C9orf57: variants seen among roughly 807,000 people sequenced by gnomAD.
C9orf57 encodes the protein chromosome 9 open reading frame 57, also known as uncharacterized protein C9orf57.
A neutral mutation model predicts 12.9 loss-of-function variants in C9orf57; 12 were observed. That is an observed-to-expected ratio of 0.93 (90% CI 0.60 to 1.51). The LOEUF (loss-of-function observed/expected upper bound fraction) is 1.51, where lower values mean the gene tolerates loss of function less well. C9orf57 is among the 40% of genes most tolerant of loss of function. The probability of loss-of-function intolerance (pLI) is 0.00; values close to 1 mark genes in which losing one functional copy is unlikely to be tolerated. For synonymous variants in C9orf57, 49 were observed against 57.1 expected, an observed-to-expected ratio of 0.86 and a Z score of 0.64; for missense variants, 141 against 162.8, an observed-to-expected ratio of 0.87 and a Z score of 0.73.
chr9:72,055,960 G>T (rs1287541803), intron 4 of C9orf57, 114 bp downstream of exon 4: 65 of 1,091,240 alleles, frequency 6.0e-5, no homozygotes, highest in Non-Finnish European at 7.6e-5. Context: ...TTTTGTTGGT[G>T]TAATGTAGCC....
intron 3 of C9orf57, among the ~76,000 whole-genome samples, chr9:72,056,468 C>T (rs929032571): frequency 3.3e-5 from 5 of 151,454 alleles, no homozygotes; most frequent in Admixed American, 6.6e-5. Flanking sequence ...TTTGTGAGTA[C>T]GTGAGTGGTG....
intron 3 of C9orf57, 111 bp from the exon 4 acceptor site, chr9:72,056,307 T>G: frequency 2.2e-6 from 1 of 455,120 alleles, no homozygotes; most frequent in Non-Finnish European, 3.3e-6. Flanking sequence ...TTTATATATA[T>G]ATATTTATGT....
Position 72,051,518 on chromosome 9 carries a change from C to T in C9orf57, c.*778G>A, listed in dbSNP as rs1318092312. The T allele has an allele frequency of 4.6e-5, 7 of 152,136 alleles. No individual in the cohort carries two copies. Among genetic ancestry groups the T allele is most frequent in the Non-Finnish European group, 7.4e-5 (5 of 68,022 alleles). 9.4% of individuals were successfully genotyped at this position (152,136 alleles called of 1,614,324 possible). The stretch of plus-strand genomic sequence containing the variant: ...CAAAGTAGGGCATTGTAATAGAAGA[C>T]GTAATGATCGCAAAATGGGAAATGT... On this transcript the variant is annotated 3_prime_UTR_variant, in exon 5 of 5. Coordinates refer to ENST00000651200, the MANE Select transcript of C9orf57 (RefSeq NM_001128618.2).
At chr9:72,056,295 A>G in intron 3 of C9orf57, 99 bp from the exon 4 acceptor site, 1 of 645,794 alleles carries the variant, frequency 1.5e-6, no homozygotes, top group Non-Finnish European at 2.3e-6. Context: ...GTGATTTTTG[A>G]CTTTATATAT....
intron 2 of C9orf57, among the ~76,000 whole-genome samples, chr9:72,058,424 G>T (rs1016948473): frequency 6.6e-6 from 1 of 152,116 alleles, no homozygotes; most frequent in Non-Finnish European, 1.5e-5. Flanking sequence ...GCCTCCCAAA[G>T]TGCTAGGATT....
At chr9:72,054,807 T>G (rs1480419603) in intron 4 of C9orf57, among the ~76,000 whole-genome samples, 1 of 151,950 alleles carries the variant, frequency 6.6e-6, no homozygotes, top group Non-Finnish European at 1.5e-5. Flanking sequence ...TTCACCCAGT[T>G]AATTCCTTAT....
At chr9:72,056,270 C>CA (rs1564122463) in intron 3 of C9orf57, 74 bp from the exon 4 acceptor site, 1 of 1,247,624 alleles carries the variant, frequency 8.0e-7, no homozygotes, top group South Asian at 2.3e-5. Context: ...GAAGAGAGAT[C>CA]AAAAAAATAA....
At chr9:72,055,588 A>G (rs1439299000) in intron 4 of C9orf57, among the ~76,000 whole-genome samples, 4 of 151,882 alleles carry the variant, frequency 2.6e-5, no homozygotes, top group Non-Finnish European at 5.9e-5. Context: ...TACCATGCCT[A>G]GCTAACCTCC....
In C9orf57 at chr9:72,051,381, T is replaced by C. The variant is rs570831869; in HGVS notation, c.*915A>G. On this transcript the variant is annotated 3_prime_UTR_variant, in exon 5 of 5. Transcript: ENST00000651200. ...CGAGAAAAAGACAGACAAGATTTTA[T>C]TGACATTTATTATTTATTTTTTGAA... is the stretch of plus-strand genomic sequence containing the variant. 14 of 152,328 alleles carry C rather than the reference T, an allele frequency of 9.2e-5. No individual in the cohort carries two copies. The highest frequency in any genetic ancestry group is 2.6e-4 in the African/African-American group (11 of 41,558). The allele number at this position is 152,328 out of a possible 1,614,324, so 9.4% of individuals were successfully genotyped here.
chr9:72,056,749 A>G (rs1271030021), intron 3 of C9orf57, 35 bp downstream of exon 3: 17 of 1,540,448 alleles, frequency 1.1e-5, no homozygotes, highest in Non-Finnish European at 1.3e-5. Flanking sequence ...CCCTGTGCTT[A>G]TTTTAATTAA....
chr9:72,055,964 T>C (rs767798446), intron 4 of C9orf57, 110 bp downstream of exon 4: 14 of 1,158,502 alleles, frequency 1.2e-5, no homozygotes, highest in Admixed American at 2.7e-5. Context: ...GTTGGTGTAA[T>C]GTAGCCCTGG....
chr9:72,056,805 T>C lies in C9orf57; in HGVS notation c.136A>G (p.Lys46Glu). Residue 46 changes from lysine to glutamate, a missense_variant, in exon 3 of 5, where the codon AAA becomes GAA. Coordinates refer to ENST00000651200, the MANE Select transcript of C9orf57 (RefSeq NM_001128618.2). Reference protein sequence around the residue: ...TCQTKPGQYWKEEVHIQDVGG... With the variant: ...TCQTKPGQYWEEEVHIQDVGG... ...TTACCTTGAATGTGGACCTCTTCTT[T>C]CCAGTACTGACCAGGTTTTGTCTGG... The C allele has an allele frequency of 6.4e-7, 1 of 1,550,994 alleles. No homozygotes were observed. The highest frequency in any genetic ancestry group is 8.7e-7 in the Non-Finnish European group (1 of 1,146,410).
intron 2 of C9orf57, among the ~76,000 whole-genome samples, chr9:72,057,399 G>T (rs1308880887): frequency 2.0e-5 from 3 of 151,636 alleles, no homozygotes; most frequent in Non-Finnish European, 4.4e-5. Flanking sequence ...CTAATATTTT[G>T]TATTTTTAGT....
chr9:72,056,886 T>G, intron 2 of C9orf57, 43 bp from the exon 3 acceptor site: 1 of 1,452,438 alleles, frequency 6.9e-7, no homozygotes, highest in Non-Finnish European at 9.4e-7. Flanking sequence ...TTGCATGCTC[T>G]GCAAATGTAT....
rs541912357 is a variant in C9orf57, at chr9:72,058,566, C to T, written c.97+669G>A. 5.9e-5 allele frequency among the ~76,000 whole-genome samples: 9 copies of T among 152,242 alleles called. No individual in the cohort carries two copies. The East Asian group carries it at 1.5e-3, about 26-fold the overall frequency. ...GTTAAAAGATTCTTTTGAAACTGAGCCAGAATTTCTCTGAGTGCTCACAGT... is the reference window on the plus strand; with the variant it reads ...GTTAAAAGATTCTTTTGAAACTGAGTCAGAATTTCTCTGAGTGCTCACAGT... On this transcript the variant is annotated intron_variant, in intron 2 of 4. Transcript: ENST00000651200.
intron 2 of C9orf57, among the ~76,000 whole-genome samples, 187 bp from the exon 3 acceptor site, chr9:72,057,030 C>T (rs552769703): frequency 5.9e-5 from 9 of 151,282 alleles, no homozygotes; most frequent in South Asian, 2.1e-4. Flanking sequence ...CCTCCCACTT[C>T]GGCCTCCCAA....
chr9:72,053,059 A>C (rs1303670414), intron 4 of C9orf57, among the ~76,000 whole-genome samples: 1 of 152,160 alleles, frequency 6.6e-6, no homozygotes, highest in Non-Finnish European at 1.5e-5. Context: ...CTTGGACAAA[A>C]TGGTGGGTTT....
chr9:72,051,667 AC>A lies in C9orf57; in HGVS notation c.*628del, dbSNP rs1322206678. The A allele has an allele frequency of 1.3e-5, 2 of 152,278 alleles. No individual in the cohort carries two copies. Among genetic ancestry groups the A allele is most frequent in the Non-Finnish European group, 2.9e-5 (2 of 68,064 alleles). 9.4% of individuals were successfully genotyped at this position (152,278 alleles called of 1,614,324 possible). ...CAAAGCATTTAGGCATGGTTAAGGT[AC>A]GGAAAATTCAAAATTTGGATAAACT... On this transcript the variant is annotated 3_prime_UTR_variant, in exon 5 of 5. Coordinates refer to ENST00000651200, the MANE Select transcript of C9orf57 (RefSeq NM_001128618.2).
At chr9:72,054,961 C>T (rs1260241320) in intron 4 of C9orf57, among the ~76,000 whole-genome samples, 1 of 134,366 alleles carries the variant, frequency 7.4e-6, no homozygotes, top group Non-Finnish European at 1.6e-5. Context: ...CTCTTGTCAC[C>T]GAGGCTGCAG....
Sources: gnomAD v4.1 joint callset for allele counts (sites outside exome capture counted in the v4.1 genomes callset) on GRCh38, gnomAD v4.1.1 for gene constraint, MANE v1.5 for transcripts, NCBI Gene and HGNC (gene_info 2026-07-23, HGNC 2026-07-21) for gene names.